Variants in PDE8B observed in about 807,000 individuals in gnomAD.
The protein encoded by PDE8B is high affinity cAMP-specific and IBMX-insensitive 3',5'-cyclic phosphodiesterase 8B.
In PDE8B, 26 loss-of-function variants were observed where a neutral mutation model predicts 101.3. The ratio of observed to expected loss-of-function variants is 0.26; its 90% CI spans 0.19 to 0.36. The LOEUF (loss-of-function observed/expected upper bound fraction) is 0.36. Ranked by LOEUF, PDE8B falls within the 10% of genes least tolerant of loss-of-function variation. PDE8B has a pLI of 1.00. For missense variants in PDE8B, 810 were observed against 1,163.1 expected (o/e 0.70, Z 4.42); for synonymous variants, 424 against 429.3 (o/e 0.99, Z 0.15).
At chr5:77,178,671 T>C in the PDE8B span, among the ~76,000 whole-genome samples, 50 of 152,236 alleles carry the variant, frequency 3.3e-4, 1 homozygote, top group Non-Finnish European at 6.5e-4. Flanking sequence ...TCACAGTTTC[T>C]GTGGGTCAGA....
At position 77,231,634 on chromosome 5, in the gene PDE8B, C is replaced by G. The variant is rs576509607; in HGVS notation, c.339+20370C>G. 1.9e-4 allele frequency among the ~76,000 whole-genome samples: 29 copies of G among 152,276 alleles called. 1 individual carries two copies. In the South Asian group the frequency reaches 4.2e-3, roughly 22 times the overall value. On this transcript the variant is annotated intron_variant, in intron 1 of 21. Transcript: ENST00000264917. ...GCAGTTGTCAAAGTTGCATCAGTCC[C>G]GGTCCCACGGGAAACAGCTCACCCC...
At chr5:77,391,642 C>T (rs1789948943) in intron 10 of PDE8B, among the ~76,000 whole-genome samples, 1 of 152,238 alleles carries the variant, frequency 6.6e-6, no homozygotes, top group Admixed American at 6.5e-5. Context: ...TGTGCACCTG[C>T]TGGCCTTGGG....
rs551313068 is a variant in PDE8B at position 77,300,559 on chromosome 5, A to C, written c.340-11435A>C. On this transcript the variant is annotated intron_variant, in intron 1 of 21. Coordinates refer to ENST00000264917, the MANE Select transcript of PDE8B (RefSeq NM_003719.5). Reference sequence around the variant, plus strand: ...GCGGTGCTTACCTCTCTAAATCTTCAAAAATAATACAAGGAAGAAATATAG... The same window carrying C: ...GCGGTGCTTACCTCTCTAAATCTTCCAAAATAATACAAGGAAGAAATATAG... Among the ~76,000 whole-genome samples the C allele has an allele frequency of 1.6e-3, 248 of 152,260 alleles. 2 individuals are homozygous for C. Among genetic ancestry groups the C allele is most frequent in the African/African-American group, 5.7e-3 (238 of 41,528 alleles).
the PDE8B span, among the ~76,000 whole-genome samples, chr5:77,157,235 T>C: frequency 6.6e-6 from 1 of 152,268 alleles, no homozygotes; most frequent in African/African-American, 2.4e-5. Flanking sequence ...CTCTGATGGG[T>C]ATGAAAGGCT....
At chr5:77,210,107 C>G (rs1258778953), upstream of PDE8B, among the ~76,000 whole-genome samples, 2 of 152,128 alleles carry the variant, frequency 1.3e-5, no homozygotes, top group Non-Finnish European at 2.9e-5. The surrounding 1 kb of genome is among the most constrained non-coding windows in gnomAD (Gnocchi z 4.9). Flanking sequence ...CCTGCCATTT[C>G]GGGAGGGGCC....
At chr5:77,184,590 T>G in the PDE8B span, among the ~76,000 whole-genome samples, 1 of 152,182 alleles carries the variant, frequency 6.6e-6, no homozygotes, top group Non-Finnish European at 1.5e-5. Flanking sequence ...AAATATCTGT[T>G]TTTGGTACCC....
At chr5:77,092,676 T>C in the PDE8B span, 2 of 152,218 alleles carry the variant, frequency 1.3e-5, no homozygotes, top group South Asian at 2.1e-4. Flanking sequence ...CCCAGCACTT[T>C]GGGAGGCCAA....
chr5:77,129,466 C>T, the PDE8B span, among the ~76,000 whole-genome samples: 5 of 152,022 alleles, frequency 3.3e-5, no homozygotes, highest in Non-Finnish European at 7.4e-5. Context: ...ATTCCTGTCA[C>T]ATATTGAATG....
the PDE8B span, among the ~76,000 whole-genome samples, chr5:77,199,510 T>G: frequency 3.2e-3 from 487 of 152,358 alleles, 5 homozygotes; most frequent in African/African-American, 0.011. Flanking sequence ...ATGTTTATGT[T>G]GGTGATTTCG....
intron 10 of PDE8B, among the ~76,000 whole-genome samples, chr5:77,356,162 C>G (rs1782068047): frequency 6.6e-6 from 1 of 152,182 alleles, no homozygotes; most frequent in African/African-American, 2.4e-5. Context: ...CCCTTCTCCC[C>G]TTCATACACT....
the PDE8B span, among the ~76,000 whole-genome samples, chr5:77,199,783 T>C: frequency 0.019 from 2,831 of 152,202 alleles, 87 homozygotes; most frequent in African/African-American, 0.064. Context: ...AAGAGAAGTA[T>C]ATAGAGATAA....
chr5:77,423,635 T>G (rs1042078229), intron 20 of PDE8B, among the ~76,000 whole-genome samples: 1 of 51,506 alleles, frequency 1.9e-5, no homozygotes, highest in Non-Finnish European at 3.6e-5. Context: ...TTGTTTAGTT[T>G]TTTTTTTTTT....
the PDE8B span, among the ~76,000 whole-genome samples, chr5:77,189,426 G>A: frequency 6.6e-6 from 1 of 152,146 alleles, no homozygotes. Context: ...GATAAAGCAG[G>A]AAAGAGCAAT....
intron 14 of PDE8B, 68 bp from the exon 15 acceptor site, chr5:77,411,608 A>AAC (rs1264302995): frequency 7.6e-7 from 1 of 1,308,858 alleles, no homozygotes; most frequent in Non-Finnish European, 1.1e-6. Flanking sequence ...TTTCACTAAT[A>AAC]ATAAAAAAAA....
the PDE8B span, among the ~76,000 whole-genome samples, chr5:77,200,362 G>A: frequency 2.6e-5 from 4 of 152,178 alleles, no homozygotes; most frequent in Admixed American, 1.3e-4. Flanking sequence ...TTGCTGGTGT[G>A]TATTTAAACA....
intron 1 of PDE8B, among the ~76,000 whole-genome samples, chr5:77,239,428 G>A (rs1755298820): frequency 6.6e-6 from 1 of 152,170 alleles, no homozygotes; most frequent in African/African-American, 2.4e-5. Flanking sequence ...CAGCTTGGAG[G>A]TGATGCTAGC....
the PDE8B span, among the ~76,000 whole-genome samples, chr5:77,089,797 T>G: frequency 6.6e-6 from 1 of 152,366 alleles, no homozygotes; most frequent in South Asian, 2.1e-4. Context: ...CACCACTGGT[T>G]ATTTATCCAA....
intron 2 of PDE8B, among the ~76,000 whole-genome samples, chr5:77,319,038 A>G (rs757666945): frequency 5.3e-5 from 8 of 152,222 alleles, no homozygotes; most frequent in Admixed American, 2.6e-4. Context: ...TTTAGCTGTC[A>G]AAGACAGATT....
intron 10 of PDE8B, among the ~76,000 whole-genome samples, chr5:77,396,412 C>T (rs948038799): frequency 6.6e-6 from 1 of 152,212 alleles, no homozygotes; most frequent in Non-Finnish European, 1.5e-5. Context: ...TAGAAAATAA[C>T]CAAGGTACTG....
Sources: allele counts gnomAD v4.1 joint callset (sites outside exome capture counted in the v4.1 genomes callset), GRCh38; gene constraint gnomAD v4.1.1; non-coding constraint Gnocchi (gnomAD v3.1); transcripts MANE v1.5; gene names NCBI Gene and HGNC (gene_info 2026-07-23, HGNC 2026-07-21).